Variants in ALK observed in about 807,000 individuals in gnomAD.
The protein encoded by ALK is ALK receptor tyrosine kinase, also known as ALK tyrosine kinase receptor.
Under a neutral mutation model 163.1 loss-of-function variants are expected in ALK, and 74 were observed. The ratio of observed to expected loss-of-function variants is 0.45; its 90% CI spans 0.38 to 0.55. ALK has a LOEUF of 0.55. Ranked by LOEUF, ALK falls within the 20% of genes least tolerant of loss-of-function variation. The pLI is 0.00. For missense variants in ALK, 2,063 were observed against 2,105.3 expected (o/e 0.98, Z 0.39); for synonymous variants, 960 against 843.2 (o/e 1.14, Z -2.40).
intron 4 of ALK, among the ~76,000 whole-genome samples, chr2:29,518,062 T>C (rs1266886542): frequency 6.6e-6 from 1 of 152,174 alleles, no homozygotes; most frequent in African/African-American, 2.4e-5. Flanking sequence ...TGGTGGGCTG[T>C]AGGGCTCCCC....
chr2:29,537,125 G>A (rs1248339999), intron 3 of ALK, among the ~76,000 whole-genome samples: 1 of 152,228 alleles, frequency 6.6e-6, no homozygotes, highest in East Asian at 1.9e-4. Flanking sequence ...ACTTTTTCAG[G>A]GGAGGAATTC....
Position 29,664,233 on chromosome 2 carries a change from T to G in ALK, c.952+30617A>C, listed in dbSNP as rs536833222. Among the ~76,000 whole-genome samples the G allele has an allele frequency of 1.7e-4, 26 of 152,294 alleles. No homozygotes were observed. In the East Asian group the frequency reaches 3.9e-3, roughly 23 times the overall value. On this transcript the variant is annotated intron_variant, in intron 3 of 28. Coordinates refer to ENST00000389048, the MANE Select transcript of ALK (RefSeq NM_004304.5). ...TCCAACCATGGTTCAGAGGGTTGAT[T>G]TGCATAAGTCTGCTTAAGAAATTTT...
chr2:29,562,751 G>A (rs1674061292), intron 3 of ALK, among the ~76,000 whole-genome samples: 1 of 152,220 alleles, frequency 6.6e-6, no homozygotes. Context: ...ACTGTCTACA[G>A]AGAAGGAATT....
At chr2:29,201,242 T>G (rs1448422305) in intron 26 of ALK, among the ~76,000 whole-genome samples, 2 of 152,202 alleles carry the variant, frequency 1.3e-5, no homozygotes, top group Non-Finnish European at 2.9e-5. Flanking sequence ...TCTCTGATCT[T>G]TAGTTTCATC....
chr2:29,902,285 G>A (rs1161862832), intron 1 of ALK, among the ~76,000 whole-genome samples: 1 of 152,056 alleles, frequency 6.6e-6, no homozygotes, highest in Non-Finnish European at 1.5e-5. Context: ...TAATCTTGCT[G>A]GCAAAAAGTG....
At chr2:29,408,159 T>G (rs1368077530) in intron 4 of ALK, among the ~76,000 whole-genome samples, 1 of 150,290 alleles carries the variant, frequency 6.7e-6, no homozygotes, top group African/African-American at 2.5e-5. Flanking sequence ...CTTGGCTCAC[T>G]GCAAACTCTG....
rs1226374177 is a variant in ALK at position 29,399,889 on chromosome 2, A to G, written c.1155-16030T>C. 2.0e-5 allele frequency among the ~76,000 whole-genome samples: 3 copies of G among 152,222 alleles called. No individual in the cohort carries two copies. The East Asian group carries it at 5.8e-4, about 29-fold the overall frequency. On this transcript the variant is annotated intron_variant, in intron 4 of 28. Coordinates refer to ENST00000389048, the MANE Select transcript of ALK (RefSeq NM_004304.5). ...CTTCCCATTTTACAGATGAGAAAAC[A>G]GGCATGGAAAGCAGAAGGAAATAAA...
chr2:29,758,986 A>G (rs984523778), intron 1 of ALK, among the ~76,000 whole-genome samples: 2 of 152,024 alleles, frequency 1.3e-5, no homozygotes, highest in African/African-American at 4.8e-5. Flanking sequence ...TTTTTTCTGC[A>G]ATCCACAATC....
chr2:29,440,803 G>C (rs11895417), intron 4 of ALK, among the ~76,000 whole-genome samples: 128,551 of 152,252 alleles, frequency 0.84, 54,639 homozygotes, highest in Non-Finnish European at 0.9. Context: ...GAACACAAGC[G>C]CAAAGGTAGA....
intron 3 of ALK, among the ~76,000 whole-genome samples, chr2:29,653,141 T>C (rs1677082994): frequency 6.6e-6 from 1 of 152,156 alleles, no homozygotes; most frequent in Non-Finnish European, 1.5e-5. Context: ...AGCTGGTGTT[T>C]GCTGCAGAAC....
chr2:29,442,742 C>T (rs1473823719), intron 4 of ALK, among the ~76,000 whole-genome samples: 2 of 152,184 alleles, frequency 1.3e-5, no homozygotes, highest in Non-Finnish European at 2.9e-5. Context: ...AATGAACTTT[C>T]GACTGGGCAC....
chr2:29,694,835 C>T lies in ALK; in HGVS notation c.952+15G>A, dbSNP rs781259749. The T allele has an allele frequency of 6.2e-7, 1 of 1,613,296 alleles. No homozygotes were observed. Among genetic ancestry groups the T allele is most frequent in the South Asian group, 1.1e-5 (1 of 91,048 alleles). ...CCTGACCCACCCAGGACATCACCAG[C>T]AGCCTCTCCCTTACCTCTGGGCATC... On this transcript the variant is annotated intron_variant, in intron 3 of 28. Coordinates refer to ENST00000389048, the MANE Select transcript of ALK (RefSeq NM_004304.5).
At chr2:29,904,857 C>T (rs1016337917) in intron 1 of ALK, among the ~76,000 whole-genome samples, 1 of 152,144 alleles carries the variant, frequency 6.6e-6, no homozygotes, top group Non-Finnish European at 1.5e-5. Context: ...TGAGCCTGTT[C>T]CTGATGATAA....
intron 1 of ALK, among the ~76,000 whole-genome samples, chr2:29,726,279 C>T (rs960046429): frequency 6.6e-6 from 1 of 152,158 alleles, no homozygotes; most frequent in African/African-American, 2.4e-5. Flanking sequence ...CCACTGTGAT[C>T]TTAAGCCTAT....
At chr2:29,591,272 C>T (rs916563074) in intron 3 of ALK, among the ~76,000 whole-genome samples, 3 of 152,128 alleles carry the variant, frequency 2.0e-5, no homozygotes, top group Non-Finnish European at 4.4e-5. Flanking sequence ...CAGACTTCCT[C>T]ATTCTGACGA....
chr2:29,756,602 G>A lies in ALK; in HGVS notation c.668-38905C>T, dbSNP rs368736035. Among the ~76,000 whole-genome samples, 33 of 147,586 alleles carry A rather than the reference G, an allele frequency of 2.2e-4. No homozygotes were observed. In the East Asian group the frequency reaches 6.0e-3, roughly 27 times the overall value. On this transcript the variant is annotated intron_variant, in intron 1 of 28. Transcript: ENST00000389048. ...GGCTGGCATGCAGTGGCACGATCTC[G>A]GCTCACTGCAATCTCTGCCTCCCGG...
chr2:29,646,518 A>G (rs1367854660), intron 3 of ALK, among the ~76,000 whole-genome samples: 1 of 152,120 alleles, frequency 6.6e-6, no homozygotes, highest in East Asian at 1.9e-4. Context: ...AGTATAAGCC[A>G]AAGTCCTTAT....
intron 26 of ALK, among the ~76,000 whole-genome samples, chr2:29,200,818 C>CATATATACGTATATATATATATGTATAT (rs1553389183): frequency 5.0e-5 from 2 of 40,354 alleles, no homozygotes. Flanking sequence ...TGTGTATATA[C>CATATATACGTATATATATATATGTATAT]ATATATACGT....
Position 29,251,347 on chromosome 2 carries a change from A to T in ALK, c.2042-80T>A, listed in dbSNP as rs534082676. 8.5e-5 allele frequency: 121 copies of T among 1,426,458 alleles called. 1 individual carries two copies. The highest frequency in any genetic ancestry group is 1.1e-4 in the Non-Finnish European group (114 of 1,037,740). The allele number at this position is 1,426,458 out of a possible 1,614,324, so 88.4% of individuals were successfully genotyped here. A position where few individuals can be genotyped will look rare whatever the true frequency, so the allele number is the denominator to read the frequency against. On this transcript the variant is annotated intron_variant, in intron 11 of 28. Transcript: ENST00000389048. ...GGGGCCTCCCTGGGTGGCCTCTGAG[A>T]TATCTGCTCCATGGCCCCAAACCCT...
Sources: gnomAD v4.1 joint callset for allele counts (sites outside exome capture counted in the v4.1 genomes callset) on GRCh38, gnomAD v4.1.1 for gene constraint, MANE v1.5 for transcripts, NCBI Gene and HGNC (gene_info 2026-07-23, HGNC 2026-07-21) for gene names.